Variants in ERBB4 observed in about 807,000 individuals in gnomAD.
ERBB4 encodes the protein erb-b2 receptor tyrosine kinase 4.
A neutral mutation model predicts 158.0 loss-of-function variants in ERBB4; 42 were observed. The ratio of observed to expected loss-of-function variants is 0.27; its 90% CI spans 0.21 to 0.34. ERBB4 has a LOEUF of 0.34. Among genes scored for constraint, ERBB4 ranks in the 10% least tolerant of loss-of-function variants. The pLI, the probability that ERBB4 is intolerant of heterozygous loss-of-function variation, is 1.00. For missense variants in ERBB4, 1,333 were observed against 1,624.1 expected, an observed-to-expected ratio of 0.82 and a Z score of 3.08; for synonymous variants, 583 against 558.7, an observed-to-expected ratio of 1.04 and a Z score of -0.61.
intron 3 of ERBB4, among the ~76,000 whole-genome samples, chr2:211,822,066 C>T (rs1309755178): frequency 6.6e-6 from 1 of 151,836 alleles, no homozygotes. Flanking sequence ...TTAAACTCTG[C>T]ATGATCTCAC....
chr2:211,655,432 A>G (rs780121767), intron 16 of ERBB4, among the ~76,000 whole-genome samples: 3 of 152,196 alleles, frequency 2.0e-5, no homozygotes, highest in Non-Finnish European at 4.4e-5. Context: ...TTTATGAACT[A>G]TATTAGTATT....
At chr2:212,268,107 C>G (rs375169930) in intron 1 of ERBB4, among the ~76,000 whole-genome samples, 2 of 151,942 alleles carry the variant, frequency 1.3e-5, no homozygotes, top group South Asian at 2.1e-4. Context: ...AGGTAGGAAC[C>G]ATAAATGTTA....
chr2:211,740,325 T>C (rs1161650682), intron 5 of ERBB4, among the ~76,000 whole-genome samples: 1 of 152,140 alleles, frequency 6.6e-6, no homozygotes, highest in Non-Finnish European at 1.5e-5. Context: ...CATAAATTAA[T>C]AGAGTGACTA....
chr2:211,888,415 G>C (rs1206298539), intron 3 of ERBB4, among the ~76,000 whole-genome samples: 2 of 152,170 alleles, frequency 1.3e-5, no homozygotes, highest in African/African-American at 4.8e-5. Flanking sequence ...AAGAATGTAT[G>C]TGTGTACACA....
Position 211,379,404 on chromosome 2 carries a change from A to G in ERBB4, c.*4211T>C, listed in dbSNP as rs145605273. On this transcript the variant is annotated 3_prime_UTR_variant, in exon 28 of 28. Coordinates refer to ENST00000342788, the MANE Select transcript of ERBB4 (RefSeq NM_005235.3). ...TACATTTAAAAAGTGATAAAGGAAT[A>G]AGAGAATGAGAAAAAATTGTTCATT... 1 of 229,356 alleles carries G rather than the reference A, an allele frequency of 4.4e-6. No homozygotes were observed. Among genetic ancestry groups the G allele is most frequent in the East Asian group, 6.3e-5 (1 of 15,976 alleles). The allele number at this position is 229,356 out of a possible 1,614,324, so 14.2% of individuals were successfully genotyped here.
At chr2:212,169,155 T>C (rs1352602434) in intron 1 of ERBB4, among the ~76,000 whole-genome samples, 1 of 152,120 alleles carries the variant, frequency 6.6e-6, no homozygotes, top group Non-Finnish European at 1.5e-5. Flanking sequence ...GACCTAGGAC[T>C]TCCAATTTTT....
intron 1 of ERBB4, among the ~76,000 whole-genome samples, chr2:212,288,354 A>C (rs2086077525): frequency 6.6e-6 from 1 of 152,118 alleles, no homozygotes; most frequent in Non-Finnish European, 1.5e-5. Flanking sequence ...GGCTCTATCT[A>C]AGGAAAATGT....
chr2:212,016,166 T>G (rs906566148), intron 2 of ERBB4, among the ~76,000 whole-genome samples: 1 of 151,802 alleles, frequency 6.6e-6, no homozygotes, highest in African/African-American at 2.4e-5. Flanking sequence ...TTTAACTTTT[T>G]TTTTTTCAAT....
chr2:212,121,955 T>C (rs7579502), intron 2 of ERBB4, among the ~76,000 whole-genome samples: 79,259 of 151,618 alleles, frequency 0.52, 21,398 homozygotes, highest in Non-Finnish European at 0.58. Flanking sequence ...TAACCTAGCA[T>C]GCACTCCACC....
chr2:211,482,179 C>T (rs940580626), intron 20 of ERBB4, among the ~76,000 whole-genome samples: 1 of 152,174 alleles, frequency 6.6e-6, no homozygotes, highest in Non-Finnish European at 1.5e-5. Context: ...TTTGAGGATT[C>T]ACTAGAATAC....
chr2:211,579,810 G>C (rs1029029385), intron 19 of ERBB4, among the ~76,000 whole-genome samples: 4 of 151,974 alleles, frequency 2.6e-5, no homozygotes, highest in African/African-American at 7.3e-5. Flanking sequence ...GGGTGGGGTT[G>C]GGGGAGGGAG....
intron 2 of ERBB4, among the ~76,000 whole-genome samples, chr2:211,974,484 A>G (rs1380113994): frequency 1.3e-5 from 2 of 152,190 alleles, no homozygotes; most frequent in Non-Finnish European, 1.5e-5. Flanking sequence ...TCAATTAGCC[A>G]TATAACCTGG....
chr2:211,509,293 T>C (rs2065831081), intron 20 of ERBB4, among the ~76,000 whole-genome samples: 1 of 152,118 alleles, frequency 6.6e-6, no homozygotes, highest in African/African-American at 2.4e-5. Flanking sequence ...ATGACACATG[T>C]ATACTTACAT....
chr2:212,133,411 TGTTTTGTTTTTG>T (rs2080170297), intron 1 of ERBB4, among the ~76,000 whole-genome samples: 1 of 145,504 alleles, frequency 6.9e-6, no homozygotes, highest in African/African-American at 2.7e-5. Flanking sequence ...TTTTTTGTTT[TGTTTTGTTTTTG>T]TTTTTTTTTT....
At chr2:212,492,379 T>C (rs1690328798) in intron 1 of ERBB4, among the ~76,000 whole-genome samples, 1 of 151,258 alleles carries the variant, frequency 6.6e-6, no homozygotes, top group South Asian at 2.1e-4. Flanking sequence ...ACCTGGAATC[T>C]GGTCATTAAT....
intron 3 of ERBB4, among the ~76,000 whole-genome samples, chr2:211,851,048 T>G (rs1180387099): frequency 6.6e-6 from 1 of 151,954 alleles, no homozygotes; most frequent in East Asian, 1.9e-4. Flanking sequence ...TCTCAGATAC[T>G]CATATTGAAA....
intron 3 of ERBB4, among the ~76,000 whole-genome samples, chr2:211,854,337 G>A (rs2077796900): frequency 6.6e-6 from 1 of 152,024 alleles, no homozygotes; most frequent in African/African-American, 2.4e-5. Flanking sequence ...ATTGAAGTGT[G>A]CCATACATGG....
At chr2:212,092,688 T>C (rs1308029803) in intron 2 of ERBB4, among the ~76,000 whole-genome samples, 2 of 152,212 alleles carry the variant, frequency 1.3e-5, no homozygotes, top group Non-Finnish European at 2.9e-5. Flanking sequence ...TTGTATATGT[T>C]GAATGATGCT....
rs375726520 is a variant in ERBB4 at position 211,781,858 on chromosome 2, C to T, written c.556+6167G>A. 1.4e-3 allele frequency among the ~76,000 whole-genome samples: 207 copies of T among 152,236 alleles called. 1 individual carries two copies. Among genetic ancestry groups the T allele is most frequent in the Non-Finnish European group, 2.4e-3 (160 of 68,018 alleles). On this transcript the variant is annotated intron_variant, in intron 4 of 27. Coordinates refer to ENST00000342788, the MANE Select transcript of ERBB4 (RefSeq NM_005235.3). ...GAGCACAGACAATTACTTTACCTGG[C>T]AGGCCTCCTGGGGCTTCAAAGCTGT...
Sources: gnomAD v4.1 joint callset for allele counts (sites outside exome capture counted in the v4.1 genomes callset) on GRCh38, gnomAD v4.1.1 for gene constraint, MANE v1.5 for transcripts, NCBI Gene and HGNC (gene_info 2026-07-23, HGNC 2026-07-21) for gene names.